ARHGAP42: variants seen among roughly 807,000 people sequenced by gnomAD.
ARHGAP42 encodes rho GTPase-activating protein 42.
ARHGAP42 carries 63 observed loss-of-function variants against 125.0 expected under a neutral mutation model. The observed-to-expected ratio is 0.50, with a 90% confidence interval of 0.41 to 0.62. ARHGAP42 has a LOEUF of 0.62. Among genes scored for constraint, ARHGAP42 ranks in the 20% least tolerant of loss-of-function variants. The probability of loss-of-function intolerance (pLI) is 0.00; values close to 1 mark genes in which losing one functional copy is unlikely to be tolerated. For missense variants in ARHGAP42, 766 were observed against 1,024.2 expected (o/e 0.75, Z 3.44); for synonymous variants, 339 against 351.0 (o/e 0.97, Z 0.38).
intron 4 of ARHGAP42, among the ~76,000 whole-genome samples, chr11:100,889,872 C>A (rs1191041100): frequency 6.6e-6 from 1 of 152,088 alleles, no homozygotes; most frequent in Non-Finnish European, 1.5e-5. Flanking sequence ...TTCACCTTCC[C>A]AAGGTGGGTC....
chr11:100,984,989 A>G (rs1858637866), intron 22 of ARHGAP42, among the ~76,000 whole-genome samples: 1 of 152,196 alleles, frequency 6.6e-6, no homozygotes, highest in African/African-American at 2.4e-5. Flanking sequence ...GTCAGTGCAC[A>G]GATAATTGAA....
intron 3 of ARHGAP42, among the ~76,000 whole-genome samples, chr11:100,804,369 A>G (rs981456842): frequency 6.6e-6 from 1 of 152,084 alleles, no homozygotes; most frequent in Admixed American, 6.6e-5. Flanking sequence ...ACAAAAAAAA[A>G]TTATAGGAGG....
At chr11:100,809,418 CAA>C (rs1254092531) in intron 3 of ARHGAP42, among the ~76,000 whole-genome samples, 2 of 152,144 alleles carry the variant, frequency 1.3e-5, no homozygotes, top group Admixed American at 6.5e-5. Flanking sequence ...ATGAGTTAGG[CAA>C]TCACTCCAAC....
intron 4 of ARHGAP42, among the ~76,000 whole-genome samples, chr11:100,869,668 A>G (rs1325403529): frequency 6.6e-6 from 1 of 152,192 alleles, no homozygotes; most frequent in African/African-American, 2.4e-5. Context: ...AAGCCATTCT[A>G]TTGGAAAGTT....
At chr11:100,900,346 C>T (rs1050908013) in intron 4 of ARHGAP42, among the ~76,000 whole-genome samples, 1 of 152,138 alleles carries the variant, frequency 6.6e-6, no homozygotes, top group Non-Finnish European at 1.5e-5. Context: ...AACATTTTTT[C>T]CTTCATTTCA....
In ARHGAP42 at chr11:100,949,933, C is replaced by A; in HGVS notation, c.1139C>A (p.Ala380Asp). 2.0e-6 allele frequency: 3 copies of A among 1,471,886 alleles called. No homozygotes were observed. Among genetic ancestry groups the A allele is most frequent in the Non-Finnish European group, 2.8e-6 (3 of 1,085,730 alleles). The allele number at this position is 1,471,886 out of a possible 1,614,324, so 91.2% of individuals were successfully genotyped here. ...DGKEPIYTLPAIISKKEEMYL... is the reference protein window; with the variant it reads ...DGKEPIYTLPDIISKKEEMYL... Reference sequence around the variant, plus strand: ...GTTTTTTAGATTTATACTCTGCCTGCCATTATAAGCAAGAAAGAAGAAAGT... The same window carrying A: ...GTTTTTTAGATTTATACTCTGCCTGACATTATAAGCAAGAAAGAAGAAAGT... The change falls in exon 12 of 24, where the codon GCC becomes GAC. Residue 380 changes from alanine to aspartate, a missense_variant. Coordinates refer to ENST00000298815, the MANE Select transcript of ARHGAP42 (RefSeq NM_152432.4).
chr11:100,888,203 T>C (rs758825027), intron 4 of ARHGAP42, among the ~76,000 whole-genome samples: 8 of 151,658 alleles, frequency 5.3e-5, no homozygotes, highest in Non-Finnish European at 7.4e-5. Flanking sequence ...CAGCTTAATG[T>C]CTTTGACTAT....
intron 22 of ARHGAP42, among the ~76,000 whole-genome samples, chr11:100,980,559 CTTT>C (rs763302463): frequency 0.034 from 1,776 of 51,932 alleles, 67 homozygotes; most frequent in East Asian, 0.19. Context: ...TTTTCTTCTT[CTTT>C]TTTTTTTTTT....
chr11:100,937,288 A>G (rs950199579), intron 8 of ARHGAP42, among the ~76,000 whole-genome samples: 3 of 152,160 alleles, frequency 2.0e-5, no homozygotes, highest in African/African-American at 4.8e-5. Context: ...AAAACTAGTG[A>G]TCTGCCTGGG....
chr11:100,797,061 C>G (rs1565218003), intron 3 of ARHGAP42, among the ~76,000 whole-genome samples: 1 of 152,188 alleles, frequency 6.6e-6, no homozygotes, highest in African/African-American at 2.4e-5. Context: ...GCCACTGCAT[C>G]CAGCCCAACT....
chr11:100,982,851 G>A (rs1305892840), intron 22 of ARHGAP42, among the ~76,000 whole-genome samples: 3 of 152,150 alleles, frequency 2.0e-5, no homozygotes, highest in Non-Finnish European at 4.4e-5. Context: ...GTGAGTTTGA[G>A]TTTTTAAAAG....
intron 1 of ARHGAP42, among the ~76,000 whole-genome samples, chr11:100,704,332 A>G (rs1861444426): frequency 6.6e-6 from 1 of 152,224 alleles, no homozygotes; most frequent in South Asian, 2.1e-4. Context: ...AGGGACAGGA[A>G]GTCTTAGCTT....
chr11:100,710,901 A>G (rs1861555227), intron 1 of ARHGAP42, among the ~76,000 whole-genome samples: 1 of 152,130 alleles, frequency 6.6e-6, no homozygotes, highest in Non-Finnish European at 1.5e-5. Flanking sequence ...CTTTATGGCC[A>G]CTTGTTCTGT....
At chr11:100,742,033 A>C (rs2120349411) in intron 1 of ARHGAP42, among the ~76,000 whole-genome samples, 1 of 152,326 alleles carries the variant, frequency 6.6e-6, no homozygotes, top group African/African-American at 2.4e-5. Context: ...CAGCTGATCT[A>C]AATAGTCTTC....
intron 1 of ARHGAP42, among the ~76,000 whole-genome samples, chr11:100,755,699 T>C (rs1315949524): frequency 2.6e-5 from 4 of 152,154 alleles, no homozygotes; most frequent in Non-Finnish European, 5.9e-5. Flanking sequence ...TAGTAGTAAG[T>C]TGAAGATATC....
At chr11:100,715,048 CAAAAA>C (rs36017086) in intron 1 of ARHGAP42, among the ~76,000 whole-genome samples, 3 of 61,890 alleles carry the variant, frequency 4.8e-5, no homozygotes, top group Admixed American at 2.5e-4. Context: ...AACCCTATCT[CAAAAA>C]AAAAAAAAAA....
intron 4 of ARHGAP42, among the ~76,000 whole-genome samples, chr11:100,900,082 C>T (rs1485655111): frequency 1.3e-5 from 2 of 151,996 alleles, no homozygotes; most frequent in Admixed American, 6.6e-5. Context: ...ACCTTCAGGA[C>T]CTCTTGTAAG....
At chr11:100,986,192 T>A in intron 22 of ARHGAP42, 1 of 431,210 alleles carries the variant, frequency 2.3e-6, no homozygotes, top group Non-Finnish European at 4.7e-6. Flanking sequence ...ACTAACACCA[T>A]GCAGACTTGA....
intron 1 of ARHGAP42, among the ~76,000 whole-genome samples, chr11:100,688,865 G>A (rs928054181): frequency 6.6e-6 from 1 of 152,160 alleles, no homozygotes; most frequent in Non-Finnish European, 1.5e-5. Context: ...AGCTGGGTGA[G>A]TGAGGTACTT....
Sources: gnomAD v4.1 joint callset for allele counts (sites outside exome capture counted in the v4.1 genomes callset) on GRCh38, gnomAD v4.1.1 for gene constraint, MANE v1.5 for transcripts, NCBI Gene and HGNC (gene_info 2026-07-23, HGNC 2026-07-21) for gene names.